The following COL4A5 variants were observed in gnomAD, a reference collection of about 807,000 sequenced individuals.
COL4A5 encodes the protein collagen type IV alpha 5 chain, also known as collagen alpha-5(IV) chain.
In COL4A5, 26 loss-of-function variants were observed where a neutral mutation model predicts 130.2. That is an observed-to-expected ratio of 0.20 (90% CI 0.15 to 0.28). COL4A5 has a LOEUF of 0.28. Among genes scored for constraint, COL4A5 ranks in the 10% least tolerant of loss-of-function variants. The pLI, the probability that COL4A5 is intolerant of heterozygous loss-of-function variation, is 1.00. For missense variants in COL4A5, 1,131 were observed against 1,344.3 expected (o/e 0.84, Z 2.48); for synonymous variants, 496 against 439.6 (o/e 1.13, Z -1.60).
chrX:108,605,591 G>A (rs2066716571), intron 28 of COL4A5, among the ~76,000 whole-genome samples: 1 of 112,020 alleles, frequency 8.9e-6, no homozygotes, highest in Non-Finnish European at 1.9e-5. Context: ...ACATGCTATA[G>A]GAAAAATTGC....
At chrX:108,471,307 C>A (rs1396992512) in intron 1 of COL4A5, among the ~76,000 whole-genome samples, 2 of 112,066 alleles carry the variant, frequency 1.8e-5, no homozygotes, top group Non-Finnish European at 3.8e-5. Flanking sequence ...TTGTTTCTAT[C>A]ATCTATGATT....
chrX:108,451,921 A>G (rs756590312), intron 1 of COL4A5, among the ~76,000 whole-genome samples: 2 of 111,337 alleles, frequency 1.8e-5, no homozygotes, highest in East Asian at 5.6e-4. Context: ...GTCCTTGCCA[A>G]TGCCTAGGTT....
chrX:108,646,493 T>A (rs1436250385), intron 36 of COL4A5, among the ~76,000 whole-genome samples: 1 of 111,398 alleles, frequency 9.0e-6, no homozygotes, highest in Non-Finnish European at 1.9e-5. Context: ...CTTTGTCAGA[T>A]GAGTAGATTG....
chrX:108,486,450 A>G (rs1417972198), intron 1 of COL4A5, among the ~76,000 whole-genome samples: 3 of 111,498 alleles, frequency 2.7e-5, no homozygotes, highest in Non-Finnish European at 5.6e-5. Flanking sequence ...TTTTTGCGGA[A>G]CAGGTGGTGT....
intron 43 of COL4A5, among the ~76,000 whole-genome samples, chrX:108,677,274 A>G (rs976962940): frequency 2.7e-5 from 3 of 112,380 alleles, no homozygotes; most frequent in Admixed American, 9.5e-5. Flanking sequence ...TGAATTTAAT[A>G]TATAATAAAA....
At chrX:108,687,356 T>C in intron 48 of COL4A5, 126 bp from the exon 49 acceptor site, 1 of 609,401 alleles carries the variant, frequency 1.6e-6, no homozygotes, top group Non-Finnish European at 2.8e-6. Context: ...TGACAATGCC[T>C]TTATAGACAC....
chrX:108,525,419 T>A (rs1234072536), intron 1 of COL4A5, among the ~76,000 whole-genome samples: 1 of 111,742 alleles, frequency 8.9e-6, no homozygotes, highest in Non-Finnish European at 1.9e-5. Flanking sequence ...TGGATCTTGA[T>A]TTTTTTATGA....
chrX:108,538,017 A>G (rs1013417800), intron 1 of COL4A5, among the ~76,000 whole-genome samples: 4 of 112,056 alleles, frequency 3.6e-5, no homozygotes, highest in African/African-American at 1.3e-4. Context: ...GCACATTGTA[A>G]TATAATTTTT....
rs753765957 is a variant in COL4A5 at position 108,686,061 on chromosome X, G to T, written c.4247G>T (p.Arg1416Leu). Residue 1416 changes from arginine to leucine, a missense_variant, in exon 48 of 53, where the codon CGC (arginine) becomes CTC (leucine). By Grantham distance (102) the Arg-to-Leu change is moderately radical. Transcript: ENST00000328300. ...ACTGGCCCTCCAGGAGATCCTGGAC[G>T]CAATGGACTCCCTGGCTTTGATGGT... ...GPTGPPGDPGRNGLPGFDGAG... is the reference protein window; with the variant it reads ...GPTGPPGDPGLNGLPGFDGAG... 4.1e-6 allele frequency: 5 copies of T among 1,209,072 alleles called. No individual in the cohort carries two copies. The South Asian group carries it at 5.3e-5, about 13-fold the overall frequency.
intron 1 of COL4A5, among the ~76,000 whole-genome samples, chrX:108,490,401 C>A (rs2064983332): frequency 9.0e-6 from 1 of 111,426 alleles, no homozygotes; most frequent in Non-Finnish European, 1.9e-5. Context: ...TTTTCCTAAC[C>A]CTCACCAACA....
chrX:108,546,754 T>C (rs1229680223), intron 2 of COL4A5, among the ~76,000 whole-genome samples: 12 of 111,571 alleles, frequency 1.1e-4, no homozygotes, highest in African/African-American at 2.3e-4. Context: ...ACCAATCAGA[T>C]GTAGATTTGG....
chrX:108,462,332 G>A (rs2064661565), intron 1 of COL4A5: 2 of 111,877 alleles, frequency 1.8e-5, no homozygotes, highest in South Asian at 7.4e-4. Flanking sequence ...TTTAATATTA[G>A]TTTAACATAT....
intron 3 of COL4A5, 62 bp downstream of exon 3, chrX:108,559,215 AGGT>A: frequency 2.3e-6 from 2 of 855,512 alleles, no homozygotes; most frequent in Non-Finnish European, 3.5e-6. Flanking sequence ...ATGTGGGACT[AGGT>A]GTCACATCAA....
At chrX:108,465,679 A>T (rs961079653) in intron 1 of COL4A5, among the ~76,000 whole-genome samples, 2 of 111,828 alleles carry the variant, frequency 1.8e-5, no homozygotes, top group Non-Finnish European at 3.8e-5. Flanking sequence ...CTATTAATAC[A>T]CTAAAGTTTT....
chrX:108,556,267 A>G (rs2065821718), intron 2 of COL4A5, among the ~76,000 whole-genome samples: 1 of 111,922 alleles, frequency 8.9e-6, no homozygotes, highest in Non-Finnish European at 1.9e-5. Context: ...TAAAACATGG[A>G]AAGAGTTTAG....
At chrX:108,662,941 G>A (rs1051261313) in intron 37 of COL4A5, among the ~76,000 whole-genome samples, 3 of 111,953 alleles carry the variant, frequency 2.7e-5, no homozygotes, top group Non-Finnish European at 3.8e-5. Flanking sequence ...GTTGCATCAC[G>A]CTACCTAACT....
At chrX:108,455,289 A>G (rs771908355) in intron 1 of COL4A5, among the ~76,000 whole-genome samples, 96 of 112,260 alleles carry the variant, frequency 8.6e-4, no homozygotes, top group African/African-American at 2.9e-3. Context: ...ATTTTATTGC[A>G]CAGTAGAATT....
At chrX:108,685,933 A>G (rs2068533760) in intron 47 of COL4A5, 98 bp from the exon 48 acceptor site, 2 of 723,428 alleles carry the variant, frequency 2.8e-6, no homozygotes, top group Admixed American at 5.3e-5. Context: ...ACAAAACCAA[A>G]TTGTGAATTC....
intron 1 of COL4A5, among the ~76,000 whole-genome samples, chrX:108,530,157 A>G (rs2065366273): frequency 9.0e-6 from 1 of 111,630 alleles, no homozygotes; most frequent in Admixed American, 9.5e-5. Flanking sequence ...TTAGGTCACA[A>G]TATAAGTCTC....
Sources: allele counts gnomAD v4.1 joint callset (sites outside exome capture counted in the v4.1 genomes callset), GRCh38; gene constraint gnomAD v4.1.1; transcripts MANE v1.5; gene names NCBI Gene and HGNC (gene_info 2026-07-23, HGNC 2026-07-21).